HMCN1: variants seen among roughly 807,000 people sequenced by gnomAD.
HMCN1 encodes the protein hemicentin-1.
HMCN1 carries 321 observed loss-of-function variants against 625.9 expected under a neutral mutation model. The ratio of observed to expected loss-of-function variants is 0.51; its 90% CI spans 0.47 to 0.56. The LOEUF is 0.56. Among genes scored for constraint, HMCN1 ranks in the 20% least tolerant of loss-of-function variants. The pLI, the probability that HMCN1 is intolerant of heterozygous loss-of-function variation, is 0.00. For synonymous variants in HMCN1, 2,425 were observed against 2,417.6 expected (o/e 1.00, Z -0.09); for missense variants, 6,588 against 6,887.3 (o/e 0.96, Z 1.54).
chr1:185,941,634 A>G (rs888254171), intron 11 of HMCN1, among the ~76,000 whole-genome samples: 1 of 152,200 alleles, frequency 6.6e-6, no homozygotes. Context: ...TTCTCTGCCA[A>G]ATGTAATCTA....
rs1464948720 is a variant in HMCN1, at chr1:186,189,736, G to C, written c.16766G>C (p.Gly5589Ala). The change falls in exon 107 of 107, where the codon GGA (glycine) becomes GCA (alanine). Residue 5589 changes from glycine to alanine, a missense_variant. Transcript: ENST00000271588. ...GCCTTGAGGGATGAAAACCTGAAAG[G>C]AGTGGTGTATACAACACGACCACTA... ...PFALRDENLK[G>A]VVYTTRPLRE... The C allele has an allele frequency of 6.2e-7, 1 of 1,613,600 alleles. No homozygotes were observed. Among genetic ancestry groups the C allele is most frequent in the East Asian group, 2.2e-5 (1 of 44,848 alleles).
intron 14 of HMCN1, among the ~76,000 whole-genome samples, chr1:185,967,989 G>A (rs1287025966): frequency 2.0e-5 from 3 of 152,244 alleles, no homozygotes; most frequent in African/African-American, 7.2e-5. Context: ...AATACAAAAT[G>A]GGTTCAAAGG....
chr1:185,893,459 G>T (rs1665278591), intron 4 of HMCN1, among the ~76,000 whole-genome samples: 1 of 152,178 alleles, frequency 6.6e-6, no homozygotes, highest in African/African-American at 2.4e-5. Flanking sequence ...AATTTATGGT[G>T]TTTTAAGAGT....
Position 186,004,465 on chromosome 1 carries a change from T to G in HMCN1, c.4475+621T>G, listed in dbSNP as rs1251151068. Among the ~76,000 whole-genome samples the G allele has an allele frequency of 2.0e-5, 3 of 152,038 alleles. No homozygotes were observed. In the East Asian group the frequency reaches 5.8e-4, roughly 29 times the overall value. ...AGATTGTATTCAAGCTTTTTATAAA[T>G]CACTAATAAATACAAACAGCAAAAT... On this transcript the variant is annotated intron_variant, in intron 29 of 106. Coordinates refer to ENST00000271588, the MANE Select transcript of HMCN1 (RefSeq NM_031935.3).
intron 4 of HMCN1, among the ~76,000 whole-genome samples, chr1:185,902,334 A>G (rs780604962): frequency 4.0e-5 from 6 of 151,400 alleles, no homozygotes; most frequent in Admixed American, 6.6e-5. Flanking sequence ...CCATCTCCCT[A>G]TGAAAATCTG....
At chr1:186,082,371 C>T (rs1659217962) in intron 56 of HMCN1, among the ~76,000 whole-genome samples, 1 of 152,152 alleles carries the variant, frequency 6.6e-6, no homozygotes, top group East Asian at 1.9e-4. Flanking sequence ...TTGCAATAAA[C>T]TGTGATGATT....
intron 24 of HMCN1, among the ~76,000 whole-genome samples, chr1:185,995,477 A>G (rs1283703828): frequency 6.6e-6 from 1 of 152,100 alleles, no homozygotes; most frequent in African/African-American, 2.4e-5. Context: ...TTCTCTATTA[A>G]TACTGTATTT....
chr1:186,183,845 G>A (rs1266234396), intron 105 of HMCN1, among the ~76,000 whole-genome samples: 2 of 152,080 alleles, frequency 1.3e-5, no homozygotes, highest in East Asian at 3.9e-4. Context: ...ACTTTGTCCA[G>A]ATATTACCAC....
At chr1:185,760,805 G>A (rs965083850) in intron 1 of HMCN1, among the ~76,000 whole-genome samples, 15 of 152,130 alleles carry the variant, frequency 9.9e-5, no homozygotes, top group East Asian at 3.9e-4. Flanking sequence ...CTTTATATGC[G>A]TTAACAAATT....
chr1:186,090,505 G>A (rs1344981951), intron 63 of HMCN1, among the ~76,000 whole-genome samples: 1 of 151,908 alleles, frequency 6.6e-6, no homozygotes, highest in Non-Finnish European at 1.5e-5. Flanking sequence ...GCCAGAAAGG[G>A]TGATCATGAG....
At chr1:185,848,207 T>C (rs942834737) in intron 2 of HMCN1, among the ~76,000 whole-genome samples, 1 of 151,630 alleles carries the variant, frequency 6.6e-6, no homozygotes, top group Non-Finnish European at 1.5e-5. Flanking sequence ...CTTCAATCTA[T>C]TTCAATCTAG....
intron 46 of HMCN1, among the ~76,000 whole-genome samples, chr1:186,059,111 T>C (rs1360776604): frequency 6.6e-6 from 1 of 151,986 alleles, no homozygotes; most frequent in Non-Finnish European, 1.5e-5. Context: ...ACCTATTTCT[T>C]GTTATTGTCA....
intron 1 of HMCN1, among the ~76,000 whole-genome samples, chr1:185,810,678 GT>G (rs1274055835): frequency 6.6e-6 from 1 of 151,968 alleles, no homozygotes; most frequent in Non-Finnish European, 1.5e-5. Context: ...GTGTGTGTGT[GT>G]GTGTGTGTGT....
chr1:186,116,974 C>G lies in HMCN1; in HGVS notation c.11562-20C>G, dbSNP rs1661163345. On this transcript the variant is annotated intron_variant, in intron 75 of 106. Coordinates refer to ENST00000271588, the MANE Select transcript of HMCN1 (RefSeq NM_031935.3). ...GAAAACCTACATATAGTATCTCATG[C>G]TTTGAAATGTGTCTTCTAGGCTCCT... 6.2e-7 allele frequency: 1 copy of G among 1,611,598 alleles called. No homozygotes were observed. The highest frequency in any genetic ancestry group is 8.5e-7 in the Non-Finnish European group (1 of 1,178,404).
At chr1:186,172,763 G>A (rs1404407180) in intron 102 of HMCN1, among the ~76,000 whole-genome samples, 1 of 152,092 alleles carries the variant, frequency 6.6e-6, no homozygotes, top group Non-Finnish European at 1.5e-5. Flanking sequence ...AAAAACACAG[G>A]AGAAAGAAAT....
In HMCN1 at chr1:185,883,888, T is replaced by TC. The variant is rs1299240578; in HGVS notation, c.621+18025_621+18026insC. ...ATAGATATAGGTCATGATTTTTTTT[T>TC]TTTTTTTTTTTTTTTTTGCTTTTTA... On this transcript the variant is annotated intron_variant, in intron 4 of 106. Coordinates refer to ENST00000271588, the MANE Select transcript of HMCN1 (RefSeq NM_031935.3). 4.8e-5 allele frequency among the ~76,000 whole-genome samples: 7 copies of TC among 146,292 alleles called. 1 individual carries two copies. In the South Asian group the frequency reaches 1.5e-3, roughly 32 times the overall value.
chr1:185,780,198 G>A (rs568302104), intron 1 of HMCN1, among the ~76,000 whole-genome samples: 2 of 152,314 alleles, frequency 1.3e-5, no homozygotes, highest in South Asian at 4.1e-4. Flanking sequence ...CATTGATTTT[G>A]TATCCTGAGA....
chr1:185,809,212 T>A (rs1049621708), intron 1 of HMCN1, among the ~76,000 whole-genome samples: 2 of 152,158 alleles, frequency 1.3e-5, no homozygotes, highest in African/African-American at 4.8e-5. Context: ...GGCTGGAGAC[T>A]AAGGTCATTT....
rs535678699 is a variant in HMCN1 at position 186,160,204 on chromosome 1, G to T, written c.15257-4907G>T. 1.1e-3 allele frequency among the ~76,000 whole-genome samples: 158 copies of T among 148,744 alleles called. 2 individuals are homozygous for T. The highest frequency in any genetic ancestry group is 5.5e-3 in the East Asian group (28 of 5,110). On this transcript the variant is annotated intron_variant, in intron 97 of 106. Transcript: ENST00000271588. The stretch of plus-strand genomic sequence containing the variant: ...TTCTTCTAGATTTTCTAGTTTATTT[G>T]CATAGAGGTGTTTGTAGTATTCTCT...
Sources: allele counts gnomAD v4.1 joint callset (sites outside exome capture counted in the v4.1 genomes callset), GRCh38; gene constraint gnomAD v4.1.1; transcripts MANE v1.5; gene names NCBI Gene and HGNC (gene_info 2026-07-23, HGNC 2026-07-21).